KRABD5: variants seen among roughly 807,000 people sequenced by gnomAD.
The protein encoded by KRABD5 is KRAB domain-containing protein 5.
At chr16:31,719,120 A>G in the KRABD5 span, among the ~76,000 whole-genome samples, 3 of 152,204 alleles carry the variant, frequency 2.0e-5, no homozygotes, top group Non-Finnish European at 4.4e-5. Flanking sequence ...AGTCCCTACC[A>G]TCTGGGAACT....
the KRABD5 span, among the ~76,000 whole-genome samples, chr16:31,739,000 A>G: frequency 9.2e-5 from 14 of 152,190 alleles, no homozygotes; most frequent in African/African-American, 2.9e-4. Context: ...ATCACTTTAT[A>G]CTGTGAATCC....
the KRABD5 span, among the ~76,000 whole-genome samples, chr16:31,742,682 T>A: frequency 6.6e-6 from 1 of 152,296 alleles, no homozygotes; most frequent in African/African-American, 2.4e-5. Context: ...TACCCAGTAA[T>A]GGGATTGCTG....
the KRABD5 span, among the ~76,000 whole-genome samples, chr16:31,738,384 G>A: frequency 4.6e-5 from 7 of 152,104 alleles, 1 homozygote; most frequent in Admixed American, 4.6e-4. Flanking sequence ...GAGGTGTGAT[G>A]TTAGGTGCAT....
At chr16:31,725,538 T>A in the KRABD5 span, among the ~76,000 whole-genome samples, 1 of 152,238 alleles carries the variant, frequency 6.6e-6, no homozygotes, top group Non-Finnish European at 1.5e-5. Flanking sequence ...AATTTACATT[T>A]CCACCAATGG....
chr16:31,736,840 A>G, the KRABD5 span, among the ~76,000 whole-genome samples: 19 of 152,246 alleles, frequency 1.2e-4, no homozygotes, highest in African/African-American at 3.9e-4. Context: ...ATATTCTTCC[A>G]ATATATAAAC....
the KRABD5 span, chr16:31,754,448 G>A: frequency 6.1e-6 from 4 of 650,580 alleles, no homozygotes. Context: ...GTATATTTGT[G>A]TTGCAGAGAA....
chr16:31,749,402 C>G, the KRABD5 span, among the ~76,000 whole-genome samples: 4 of 152,202 alleles, frequency 2.6e-5, no homozygotes, highest in Admixed American at 1.3e-4. Flanking sequence ...GTTGTGAGCC[C>G]CAGTGCTGGC....
the KRABD5 span, among the ~76,000 whole-genome samples, chr16:31,724,869 A>G: frequency 9.2e-5 from 14 of 151,712 alleles, no homozygotes; most frequent in African/African-American, 3.4e-4. Flanking sequence ...AGCTGTTGGG[A>G]CCCGTTCTAC....
chr16:31,759,517 T>C, the KRABD5 span: 1 of 1,196,014 alleles, frequency 8.4e-7, no homozygotes, highest in South Asian at 1.3e-5. Context: ...AGTTAAGGTT[T>C]ATGCCTTGCA....
At chr16:31,756,611 C>T in the KRABD5 span, 1 of 151,864 alleles carries the variant, frequency 6.6e-6, no homozygotes, top group Non-Finnish European at 1.5e-5. Flanking sequence ...ATATTCTTTC[C>T]TGCTTTTTGT....
the KRABD5 span, among the ~76,000 whole-genome samples, chr16:31,743,521 G>A: frequency 6.6e-6 from 1 of 152,116 alleles, no homozygotes; most frequent in Non-Finnish European, 1.5e-5. Context: ...TTTGGTTACT[G>A]TGGCCTTTTA....
chr16:31,732,250 G>A, the KRABD5 span, among the ~76,000 whole-genome samples: 1 of 152,210 alleles, frequency 6.6e-6, no homozygotes, highest in Non-Finnish European at 1.5e-5. Context: ...TCCCATAAAG[G>A]CAGTTGTGTT....
At chr16:31,757,791 C>T in the KRABD5 span, 1 of 151,656 alleles carries the variant, frequency 6.6e-6, no homozygotes. Flanking sequence ...ATGACTAATA[C>T]ATCTGGATGG....
the KRABD5 span, among the ~76,000 whole-genome samples, chr16:31,724,451 G>A: frequency 1.3e-5 from 2 of 152,042 alleles, no homozygotes; most frequent in Non-Finnish European, 2.9e-5. Flanking sequence ...ACTTTGGGAG[G>A]CCGATGCAGG....
chr16:31,722,876 G>GAA, the KRABD5 span: 3,322 of 920,154 alleles, frequency 3.6e-3, no homozygotes, highest in South Asian at 5.3e-3. Context: ...CTGTTTCCAG[G>GAA]AAAAAAAAAT....
chr16:31,721,209 A>G, the KRABD5 span, among the ~76,000 whole-genome samples: 2 of 152,150 alleles, frequency 1.3e-5, no homozygotes, highest in Non-Finnish European at 2.9e-5. Context: ...TATAGTTTTA[A>G]CACAATTTAA....
chr16:31,746,404 G>A, the KRABD5 span, among the ~76,000 whole-genome samples: 3 of 152,250 alleles, frequency 2.0e-5, no homozygotes, highest in East Asian at 5.8e-4. Context: ...GAAATTCTGG[G>A]TTGAAAATTC....
chr16:31,734,680 T>C, the KRABD5 span, among the ~76,000 whole-genome samples: 4 of 152,116 alleles, frequency 2.6e-5, no homozygotes, highest in African/African-American at 9.7e-5. Flanking sequence ...CCTCTTTCTA[T>C]TCCTCCCCCT....
chr16:31,749,825 A>C, the KRABD5 span, among the ~76,000 whole-genome samples: 3 of 152,076 alleles, frequency 2.0e-5, no homozygotes, highest in Admixed American at 6.5e-5. Context: ...AGATTCACAC[A>C]CTTATTATTG....
Sources: allele counts gnomAD v4.1 joint callset (sites outside exome capture counted in the v4.1 genomes callset), GRCh38; gene constraint gnomAD v4.1.1; transcripts MANE v1.5; gene names NCBI Gene and HGNC (gene_info 2026-07-23, HGNC 2026-07-21).